CA8: variants seen among roughly 807,000 people sequenced by gnomAD.
CA8 encodes carbonic anhydrase-related protein.
A neutral mutation model predicts 41.4 loss-of-function variants in CA8; 22 were observed. The observed-to-expected ratio is 0.53, with a 90% CI of 0.38 to 0.76. The LOEUF (loss-of-function observed/expected upper bound fraction) is 0.76, where lower values mean the gene tolerates loss of function less well. Ranked by LOEUF, CA8 falls within the 30% of genes least tolerant of loss-of-function variation. The pLI, the probability that CA8 is intolerant of heterozygous loss-of-function variation, is 0.00. For missense variants in CA8, 270 were observed against 352.8 expected (o/e 0.77, Z 1.88); for synonymous variants, 121 against 130.6 (o/e 0.93, Z 0.50).
At chr8:60,223,525 T>A (rs930410922) in intron 6 of CA8, among the ~76,000 whole-genome samples, 1 of 152,216 alleles carries the variant, frequency 6.6e-6, no homozygotes, top group African/African-American at 2.4e-5. Flanking sequence ...CCTCAAGCAA[T>A]CCTCTTGCAT....
At chr8:60,216,647 C>G (rs1379678690) in intron 7 of CA8, among the ~76,000 whole-genome samples, 1 of 152,154 alleles carries the variant, frequency 6.6e-6, no homozygotes, top group Non-Finnish European at 1.5e-5. Context: ...CCCTTTGAAG[C>G]CAGAGAGCCT....
At chr8:60,199,686 G>C (rs10957121) in intron 8 of CA8, among the ~76,000 whole-genome samples, 1 of 151,990 alleles carries the variant, frequency 6.6e-6, no homozygotes, top group African/African-American at 2.4e-5. Context: ...TTCAGATTCT[G>C]GGCATTATCT....
chr8:60,255,561 TTA>T (rs1456683774), intron 3 of CA8, among the ~76,000 whole-genome samples: 4 of 152,212 alleles, frequency 2.6e-5, no homozygotes, highest in Non-Finnish European at 5.9e-5. Flanking sequence ...AAGTGATTCA[TTA>T]AGCTGAGTTT....
chr8:60,244,070 C>G (rs186908553), intron 3 of CA8, among the ~76,000 whole-genome samples: 1 of 152,194 alleles, frequency 6.6e-6, no homozygotes, highest in Non-Finnish European at 1.5e-5. Flanking sequence ...CACCGCCCCT[C>G]GGACTGTGTC....
chr8:60,209,623 T>C (rs979239566), intron 7 of CA8, among the ~76,000 whole-genome samples: 1 of 152,230 alleles, frequency 6.6e-6, no homozygotes, highest in Non-Finnish European at 1.5e-5. Flanking sequence ...TTACTGTATG[T>C]AAACACTGAT....
chr8:60,274,581 G>A (rs1434288750), intron 2 of CA8, among the ~76,000 whole-genome samples: 3 of 152,090 alleles, frequency 2.0e-5, no homozygotes, highest in Admixed American at 2.0e-4. Context: ...CAGGTAAATC[G>A]GATGAGGGCT....
At chr8:60,277,670 T>C (rs1184148951) in intron 2 of CA8, among the ~76,000 whole-genome samples, 1 of 152,178 alleles carries the variant, frequency 6.6e-6, no homozygotes, top group Non-Finnish European at 1.5e-5. Context: ...AACTATTTTG[T>C]ATATATTCTA....
At chr8:60,240,960 A>G (rs1808006159) in intron 3 of CA8, among the ~76,000 whole-genome samples, 1 of 152,194 alleles carries the variant, frequency 6.6e-6, no homozygotes, top group African/African-American at 2.4e-5. Flanking sequence ...AAGAAGGAAA[A>G]AAAGGGGGAA....
intron 6 of CA8, among the ~76,000 whole-genome samples, chr8:60,223,426 G>T (rs1163172682): frequency 2.0e-5 from 3 of 152,128 alleles, no homozygotes; most frequent in Non-Finnish European, 4.4e-5. Flanking sequence ...CCAAGCAGCT[G>T]GGACTATGGG....
Position 60,202,506 on chromosome 8 carries a change from T to C in CA8, c.*35+6244A>G, listed in dbSNP as rs138953862. On this transcript the variant is annotated intron_variant, in intron 8 of 8. Transcript: ENST00000317995. ...ATTACAAACAAATTATTATTACTAC[T>C]GGAGGGTTTCCATGAAGGGTTTGTT... 1.2e-4 allele frequency among the ~76,000 whole-genome samples: 18 copies of C among 152,326 alleles called. No individual in the cohort carries two copies. The East Asian group carries it at 3.5e-3, about 29-fold the overall frequency.
chr8:60,244,946 C>T (rs1808175249), intron 3 of CA8, among the ~76,000 whole-genome samples: 3 of 152,208 alleles, frequency 2.0e-5, no homozygotes, highest in Admixed American at 2.0e-4. Context: ...TCAGCCATTA[C>T]CTAAGTGACC....
At chr8:60,226,802 C>T (rs1413839507) in intron 5 of CA8, 71 bp downstream of exon 5, 6 of 829,648 alleles carry the variant, frequency 7.2e-6, no homozygotes, top group South Asian at 4.2e-5. Context: ...AACACAGCAT[C>T]GAGCCCGCAG....
intron 3 of CA8, among the ~76,000 whole-genome samples, chr8:60,239,738 T>C (rs1246384304): frequency 6.6e-6 from 1 of 152,204 alleles, no homozygotes; most frequent in African/African-American, 2.4e-5. Flanking sequence ...GGAGGGATCC[T>C]GTAGAAGATA....
chr8:60,200,242 G>C (rs1039396781), intron 8 of CA8, among the ~76,000 whole-genome samples: 1 of 152,196 alleles, frequency 6.6e-6, no homozygotes, highest in Non-Finnish European at 1.5e-5. Flanking sequence ...CTAGCCTCTA[G>C]AACTGTGAGA....
At chr8:60,280,845 A>G (rs896796415) in intron 1 of CA8, among the ~76,000 whole-genome samples, 18 of 152,220 alleles carry the variant, frequency 1.2e-4, no homozygotes, top group African/African-American at 4.3e-4. Flanking sequence ...GCGGCGGAAG[A>G]GCGCAGGCGG....
chr8:60,260,208 C>A (rs531812340), intron 3 of CA8, among the ~76,000 whole-genome samples: 5 of 152,178 alleles, frequency 3.3e-5, no homozygotes, highest in Non-Finnish European at 7.3e-5. Flanking sequence ...GCTAACCTCC[C>A]TCCTCCCCAG....
intron 2 of CA8, among the ~76,000 whole-genome samples, chr8:60,270,266 C>A (rs1407919978): frequency 1.3e-5 from 2 of 152,200 alleles, no homozygotes; most frequent in Non-Finnish European, 2.9e-5. Flanking sequence ...TGCTATCATG[C>A]CCAGTTACAG....
In CA8 at chr8:60,232,213, A is replaced by G. The variant is rs963244956; in HGVS notation, c.513+71T>C. 7.9e-5 allele frequency: 93 copies of G among 1,175,062 alleles called. No homozygotes were observed. The African/African-American group carries it at 1.0e-3, about 13-fold the overall frequency. The allele number at this position is 1,175,062 out of a possible 1,614,324, so 72.8% of individuals were successfully genotyped here. ...ATCTCTAAGCAATAAAATTGAGAAT[A>G]AAAAAATTTTACAAAATGATTTAGA... On this transcript the variant is annotated intron_variant, in intron 4 of 8. Transcript: ENST00000317995.
chr8:60,266,675 A>G (rs1803910840), intron 2 of CA8, among the ~76,000 whole-genome samples: 2 of 152,234 alleles, frequency 1.3e-5, no homozygotes, highest in Non-Finnish European at 2.9e-5. Context: ...CCACAGGACC[A>G]TGTCTCTATT....
Sources: allele counts gnomAD v4.1 joint callset (sites outside exome capture counted in the v4.1 genomes callset), GRCh38; gene constraint gnomAD v4.1.1; transcripts MANE v1.5; gene names NCBI Gene and HGNC (gene_info 2026-07-23, HGNC 2026-07-21).